The following DCLK1 variants were observed in gnomAD, a reference collection of about 807,000 sequenced individuals.
The protein encoded by DCLK1 is doublecortin like kinase 1.
DCLK1 carries 16 observed loss-of-function variants against 86.2 expected under a neutral mutation model. The ratio of observed to expected loss-of-function variants is 0.19; its 90% CI spans 0.13 to 0.28. The LOEUF is 0.28. Ranked by LOEUF, DCLK1 falls within the 10% of genes least tolerant of loss-of-function variation. The probability of loss-of-function intolerance (pLI) is 1.00; values close to 1 mark genes in which losing one functional copy is unlikely to be tolerated. For synonymous variants in DCLK1, 369 were observed against 370.5 expected (o/e 1.00, Z 0.05); for missense variants, 590 against 940.2 (o/e 0.63, Z 4.87).
At chr13:35,919,323 T>C (rs914732578) in intron 4 of DCLK1, among the ~76,000 whole-genome samples, 1 of 152,188 alleles carries the variant, frequency 6.6e-6, no homozygotes, top group Non-Finnish European at 1.5e-5. Flanking sequence ...GGAAGACTTC[T>C]TCAGGCTTGT....
At chr13:36,083,883 T>A (rs570722801) in intron 3 of DCLK1, among the ~76,000 whole-genome samples, 42 of 152,306 alleles carry the variant, frequency 2.8e-4, no homozygotes, top group African/African-American at 8.7e-4. Context: ...TATATGAATA[T>A]ATATCCTCCA....
chr13:36,091,110 T>A (rs560290130), intron 3 of DCLK1, among the ~76,000 whole-genome samples: 20 of 152,310 alleles, frequency 1.3e-4, no homozygotes, highest in Non-Finnish European at 5.9e-5. Context: ...GGGTAGATTG[T>A]AAAAATTTTC....
At chr13:36,053,324 C>A (rs1883190714) in intron 3 of DCLK1, among the ~76,000 whole-genome samples, 1 of 151,930 alleles carries the variant, frequency 6.6e-6, no homozygotes, top group Admixed American at 6.6e-5. Context: ...TAATAAGGGG[C>A]AGAACAGGAT....
chr13:36,100,707 A>T (rs1885185654), intron 3 of DCLK1, among the ~76,000 whole-genome samples: 1 of 152,126 alleles, frequency 6.6e-6, no homozygotes, highest in African/African-American at 2.4e-5. Context: ...GTCTGCCCTA[A>T]GTCATGGGCA....
At position 36,125,900 on chromosome 13, in the gene DCLK1, G is replaced by C. The variant is rs748125069; in HGVS notation, c.238C>G (p.Arg80Gly). The C allele has an allele frequency of 6.2e-7, 1 of 1,614,180 alleles. No homozygotes were observed. The highest frequency in any genetic ancestry group is 8.5e-7 in the Non-Finnish European group (1 of 1,180,040). The change falls in exon 2 of 17, where the codon CGG becomes GGG. Residue 80 changes from arginine (R) to glycine (G), a missense_variant. Around this residue, in one of 6 missense-constraint regions of DCLK1, gnomAD observed 195 missense variants for 365.1 expected, o/e 0.53. Transcript: ENST00000360631. ...KGIVYAISPD[R>G]FRSFEALLAD... The stretch of plus-strand genomic sequence containing the variant: ...AGCAGGGCCTCAAAAGATCGGAACC[G>C]GTCTGGGGAGATGGCATACACAATC...
At chr13:35,976,525 GTTTT>G (rs11294824) in intron 3 of DCLK1, among the ~76,000 whole-genome samples, 24 of 56,370 alleles carry the variant, frequency 4.3e-4, no homozygotes, top group East Asian at 3.6e-3. Context: ...CTTCTCCGAG[GTTTT>G]TTTTTTTTTT....
intron 10 of DCLK1, among the ~76,000 whole-genome samples, chr13:35,824,180 T>C (rs1357187868): frequency 6.6e-6 from 1 of 152,062 alleles, no homozygotes; most frequent in South Asian, 2.1e-4. Context: ...CATCTTGTAA[T>C]GTCCTTTTTA....
chr13:36,018,914 C>A (rs2153150038), intron 3 of DCLK1, among the ~76,000 whole-genome samples: 1 of 152,224 alleles, frequency 6.6e-6, no homozygotes, highest in East Asian at 1.9e-4. Context: ...TGATTGAATG[C>A]ATTTTCTTTC....
chr13:36,005,730 G>T (rs930860422), intron 3 of DCLK1, among the ~76,000 whole-genome samples: 2 of 152,182 alleles, frequency 1.3e-5, no homozygotes, highest in African/African-American at 4.8e-5. Context: ...GGGATTAGCA[G>T]CACTATTTCC....
chr13:36,110,397 T>C (rs772772426), intron 3 of DCLK1, among the ~76,000 whole-genome samples: 6 of 152,120 alleles, frequency 3.9e-5, no homozygotes, highest in Admixed American at 3.3e-4. Flanking sequence ...GCATATTACT[T>C]AGGGCAAGGG....
intron 3 of DCLK1, among the ~76,000 whole-genome samples, chr13:36,086,830 A>G (rs1178564707): frequency 4.6e-5 from 7 of 152,266 alleles, no homozygotes; most frequent in African/African-American, 1.7e-4. Flanking sequence ...ACAGTATTCC[A>G]TGGTGTATAT....
intron 4 of DCLK1, among the ~76,000 whole-genome samples, chr13:35,903,736 T>TA (rs140116727): frequency 0.044 from 6,500 of 149,138 alleles, 468 homozygotes; most frequent in African/African-American, 0.15. Context: ...CCTAACAAAA[T>TA]AAAAAAAAAA....
At chr13:36,000,172 C>T (rs1285895814) in intron 3 of DCLK1, among the ~76,000 whole-genome samples, 5 of 152,168 alleles carry the variant, frequency 3.3e-5, no homozygotes, top group Admixed American at 2.0e-4. Context: ...AAACCCCACA[C>T]AATCTAAGAG....
Position 35,934,489 on chromosome 13 carries a change from T to C in DCLK1, c.823+12869A>G, listed in dbSNP as rs528045266. Among the ~76,000 whole-genome samples, 13 of 152,278 alleles carry C rather than the reference T, an allele frequency of 8.5e-5. No homozygotes were observed. In the South Asian group the frequency reaches 1.0e-3, roughly 12 times the overall value. On this transcript the variant is annotated intron_variant, in intron 4 of 16. Coordinates refer to ENST00000360631, the MANE Select transcript of DCLK1 (RefSeq NM_001330071.2). ...AAGGAGGAGCAAGTAATGTCTTACA[T>C]GGAAGGCAGCAGGCAAAGAGAGAGT...
chr13:35,933,316 TA>T (rs937254686), intron 4 of DCLK1, among the ~76,000 whole-genome samples: 11 of 152,150 alleles, frequency 7.2e-5, no homozygotes, highest in Non-Finnish European at 1.2e-4. Flanking sequence ...TCGGCAGATC[TA>T]CCACCATTCT....
At chr13:35,963,081 G>A (rs564579486) in intron 3 of DCLK1, among the ~76,000 whole-genome samples, 12 of 152,278 alleles carry the variant, frequency 7.9e-5, no homozygotes, top group African/African-American at 2.4e-4. Flanking sequence ...GCACTGCAGC[G>A]AATCAGCAGA....
chr13:36,085,886 T>C (rs1021933660), intron 3 of DCLK1, among the ~76,000 whole-genome samples: 7 of 152,266 alleles, frequency 4.6e-5, no homozygotes, highest in African/African-American at 1.7e-4. Context: ...CAACTTTGAA[T>C]AAACAGTCAG....
chr13:35,935,105 C>T (rs1232555286), intron 4 of DCLK1, among the ~76,000 whole-genome samples: 1 of 152,104 alleles, frequency 6.6e-6, no homozygotes, highest in Non-Finnish European at 1.5e-5. Context: ...AAAGAGCATT[C>T]CACATGAATG....
chr13:35,857,734 T>TG (rs1871150122), intron 5 of DCLK1, among the ~76,000 whole-genome samples: 1 of 152,260 alleles, frequency 6.6e-6, no homozygotes, highest in African/African-American at 2.4e-5. Context: ...CCTACGCCCT[T>TG]CACAGAGGGC....
Sources: gnomAD v4.1 joint callset for allele counts (sites outside exome capture counted in the v4.1 genomes callset) on GRCh38, gnomAD v4.1.1 for gene constraint, gnomAD v4.1.1 regional missense constraint, MANE v1.5 for transcripts, NCBI Gene and HGNC (gene_info 2026-07-23, HGNC 2026-07-21) for gene names.